The following TAF1B variants were observed in gnomAD, a reference collection of about 807,000 sequenced individuals.
TAF1B encodes the protein TATA box-binding protein-associated factor RNA polymerase I subunit B.
TAF1B carries 61 observed loss-of-function variants against 83.9 expected under a neutral mutation model. The ratio of observed to expected loss-of-function variants is 0.73; its 90% confidence interval spans 0.59 to 0.90. The LOEUF (loss-of-function observed/expected upper bound fraction) is 0.90. TAF1B is among the 40% of genes least tolerant of loss of function. The probability of loss-of-function intolerance (pLI) is 0.00; values close to 1 mark genes in which losing one functional copy is unlikely to be tolerated. For missense variants in TAF1B, 625 were observed against 677.0 expected (o/e 0.92, Z 0.85); for synonymous variants, 221 against 224.6 (o/e 0.98, Z 0.14).
intron 5 of TAF1B, among the ~76,000 whole-genome samples, chr2:9,855,999 A>G (rs1466033721): frequency 1.3e-5 from 2 of 152,176 alleles, no homozygotes; most frequent in African/African-American, 4.8e-5. Context: ...GCTAGAAGAG[A>G]TTCTGAATCT....
At chr2:9,912,936 G>A (rs927547286) in intron 11 of TAF1B, among the ~76,000 whole-genome samples, 1 of 152,162 alleles carries the variant, frequency 6.6e-6, no homozygotes, top group African/African-American at 2.4e-5. Context: ...GACTGCCTTC[G>A]CCAGAGAATA....
chr2:9,931,778 C>T (rs1229502744), intron 14 of TAF1B, among the ~76,000 whole-genome samples: 6 of 152,328 alleles, frequency 3.9e-5, no homozygotes, highest in Non-Finnish European at 8.8e-5. Context: ...AACTTGGTTC[C>T]ATTCTCCCCG....
rs1572303865 is a variant in TAF1B at position 9,933,950 on chromosome 2, A to T, written c.1733A>T (p.Lys578Met). ...LFEKKYSVKR[K>M]KSRSKKVRRH The stretch of plus-strand genomic sequence containing the variant: ...GAGAAAAAATACAGTGTAAAAAGAA[A>T]GAAATCAAGATCCAAGAAAGTGAGA... The change falls in exon 15 of 15, where the codon AAG (lysine) becomes ATG (methionine). Residue 578 changes from lysine (K) to methionine (M), a missense_variant. Coordinates refer to ENST00000263663, the MANE Select transcript of TAF1B (RefSeq NM_005680.3). 6.2e-7 allele frequency: 1 copy of T among 1,608,694 alleles called. No homozygotes were observed. The highest frequency in any genetic ancestry group is 2.2e-5 in the East Asian group (1 of 44,806).
intron 8 of TAF1B, among the ~76,000 whole-genome samples, chr2:9,902,267 C>CA: frequency 6.9e-6 from 1 of 145,910 alleles, no homozygotes; most frequent in South Asian, 2.1e-4. Context: ...GTAAAATAGA[C>CA]ACGTAGGAAA....
chr2:9,924,301 C>T (rs890078988), intron 14 of TAF1B, among the ~76,000 whole-genome samples: 6 of 152,176 alleles, frequency 3.9e-5, no homozygotes, highest in Non-Finnish European at 8.8e-5. Flanking sequence ...TCGCTCAGAG[C>T]CCCTGACTCT....
intron 8 of TAF1B, among the ~76,000 whole-genome samples, chr2:9,889,868 GTC>G (rs1331097252): frequency 3.9e-5 from 6 of 152,166 alleles, no homozygotes; most frequent in Admixed American, 2.6e-4. Flanking sequence ...GTATTACGAA[GTC>G]TCTGCACTTT....
chr2:9,912,349 A>C (rs1269229600), intron 11 of TAF1B, among the ~76,000 whole-genome samples: 2 of 131,478 alleles, frequency 1.5e-5, no homozygotes, highest in African/African-American at 2.5e-5. Flanking sequence ...GTGGATTATT[A>C]AATTCAATTC....
intron 2 of TAF1B, chr2:9,845,662 G>C (rs1446664411): frequency 7.6e-6 from 2 of 263,138 alleles, no homozygotes; most frequent in Non-Finnish European, 1.5e-5. Flanking sequence ...TGGTGGCTTA[G>C]AGGTTTGGAA....
chr2:9,854,259 G>A lies in TAF1B; in HGVS notation c.304-67G>A, dbSNP rs1033249225. 6.6e-6 allele frequency: 7 copies of A among 1,053,632 alleles called. No individual in the cohort carries two copies. The African/African-American group carries it at 9.4e-5, about 14-fold the overall frequency. The allele number at this position is 1,053,632 out of a possible 1,614,324, so 65.3% of individuals were successfully genotyped here. A position where few individuals can be genotyped will look rare whatever the true frequency, so the allele number is the denominator to read the frequency against. ...ATTTAAAGTACAAGAGAGCTGTGGT[G>A]TAGATGTGCCTGTACATTTGTTGTC... On this transcript the variant is annotated intron_variant, in intron 4 of 14. Coordinates refer to ENST00000263663, the MANE Select transcript of TAF1B (RefSeq NM_005680.3).
At chr2:9,854,276 TTTG>T in intron 4 of TAF1B, 47 bp from the exon 5 acceptor site, 1 of 1,316,168 alleles carries the variant, frequency 7.6e-7, no homozygotes, top group Non-Finnish European at 1.1e-6. Flanking sequence ...TGCCTGTACA[TTTG>T]TTGTCATAAC....
rs1213600956 is a variant in TAF1B, at chr2:9,920,314, A to G, written c.1565+494A>G. ...CATTAGACCCCCAGTGTCCTTTTATAGCAGGATCAAGTTCAGGAGTAGGTA... is the reference window on the plus strand; with the variant it reads ...CATTAGACCCCCAGTGTCCTTTTATGGCAGGATCAAGTTCAGGAGTAGGTA... On this transcript the variant is annotated intron_variant, in intron 14 of 14. Transcript: ENST00000263663. Among the ~76,000 whole-genome samples the G allele has an allele frequency of 5.3e-5, 8 of 152,276 alleles. No homozygotes were observed. In the East Asian group the frequency reaches 1.5e-3, roughly 29 times the overall value.
chr2:9,915,074 G>A lies in TAF1B; in HGVS notation c.1271+1825G>A, dbSNP rs780490545. Among the ~76,000 whole-genome samples, 10 of 152,294 alleles carry A rather than the reference G, an allele frequency of 6.6e-5. No homozygotes were observed. The East Asian group carries it at 7.7e-4, about 12-fold the overall frequency. Reference sequence around the variant, plus strand: ...ACAATAGTTGAAAACCTAAAACAGCGTAAGAGGCTACTTTGATGACTTCTA... The same window carrying A: ...ACAATAGTTGAAAACCTAAAACAGCATAAGAGGCTACTTTGATGACTTCTA... On this transcript the variant is annotated intron_variant, in intron 12 of 14. Coordinates refer to ENST00000263663, the MANE Select transcript of TAF1B (RefSeq NM_005680.3).
intron 14 of TAF1B, among the ~76,000 whole-genome samples, chr2:9,932,408 C>T (rs1222400551): frequency 6.6e-6 from 1 of 152,220 alleles, no homozygotes; most frequent in African/African-American, 2.4e-5. Flanking sequence ...TGTTAGTTTT[C>T]CTTCTAACAG....
chr2:9,868,390 A>G lies in TAF1B; in HGVS notation c.514A>G (p.Thr172Ala). Residue 172 changes from threonine (T) to alanine (A), a missense_variant, in exon 6 of 15, where the codon ACT (threonine) becomes GCT (alanine). Coordinates refer to ENST00000263663, the MANE Select transcript of TAF1B (RefSeq NM_005680.3). ...AGCGGAGTCTCAGTCTGACATCCACACTCGAAAACCTTTCCCCGTCAGCAA... is the reference window on the plus strand; with the variant it reads ...AGCGGAGTCTCAGTCTGACATCCACGCTCGAAAACCTTTCCCCGTCAGCAA... ...SGAESQSDIH[T>A]RKPFPVSKAS... is the part of the protein sequence containing the mutation. 6.2e-7 allele frequency: 1 copy of G among 1,613,806 alleles called. No individual in the cohort carries two copies. Among genetic ancestry groups the G allele is most frequent in the Non-Finnish European group, 8.5e-7 (1 of 1,179,816 alleles).
At chr2:9,907,350 T>C (rs867255347) in intron 9 of TAF1B, among the ~76,000 whole-genome samples, 24 of 152,170 alleles carry the variant, frequency 1.6e-4, no homozygotes, top group African/African-American at 5.8e-4. Flanking sequence ...ATTACAAATA[T>C]TGCTCTCGGT....
intron 14 of TAF1B, among the ~76,000 whole-genome samples, chr2:9,927,469 T>A (rs1666076332): frequency 6.6e-6 from 1 of 152,226 alleles, no homozygotes; most frequent in Non-Finnish European, 1.5e-5. Flanking sequence ...ATGGTTGAAC[T>A]AGTTTACAGT....
intron 8 of TAF1B, among the ~76,000 whole-genome samples, chr2:9,893,757 T>C (rs961533592): frequency 1.3e-5 from 2 of 152,074 alleles, no homozygotes; most frequent in Non-Finnish European, 2.9e-5. Flanking sequence ...TAATACTGTC[T>C]TTTTAAAAGG....
At chr2:9,898,421 A>G (rs1245121843) in intron 8 of TAF1B, among the ~76,000 whole-genome samples, 2 of 152,248 alleles carry the variant, frequency 1.3e-5, no homozygotes, top group South Asian at 2.1e-4. Context: ...GATTTGAGGT[A>G]GAATTAGCAG....
intron 14 of TAF1B, among the ~76,000 whole-genome samples, chr2:9,920,242 C>T (rs1053485434): frequency 6.6e-6 from 1 of 152,160 alleles, no homozygotes; most frequent in South Asian, 2.1e-4. Flanking sequence ...AAACTTAATA[C>T]TGATACGATA....
Sources: gnomAD v4.1 joint callset for allele counts (sites outside exome capture counted in the v4.1 genomes callset) on GRCh38, gnomAD v4.1.1 for gene constraint, MANE v1.5 for transcripts, NCBI Gene and HGNC (gene_info 2026-07-23, HGNC 2026-07-21) for gene names.